ALS2: variants seen among roughly 807,000 people sequenced by gnomAD.
ALS2 encodes alsin Rho guanine nucleotide exchange factor ALS2, also known as alsin.
Under a neutral mutation model 203.4 loss-of-function variants are expected in ALS2, and 117 were observed. The ratio of observed to expected loss-of-function variants is 0.58; its 90% CI spans 0.50 to 0.67. ALS2 has a LOEUF of 0.67. Ranked by LOEUF, ALS2 falls within the 30% of genes least tolerant of loss-of-function variation. ALS2 has a pLI of 0.00. For missense variants in ALS2, 1,715 were observed against 1,989.4 expected, an observed-to-expected ratio of 0.86 and a Z score of 2.62; for synonymous variants, 718 against 725.9, an observed-to-expected ratio of 0.99 and a Z score of 0.17.
At chr2:201,729,743 T>C (rs1248135650) in intron 13 of ALS2, among the ~76,000 whole-genome samples, 2 of 151,632 alleles carry the variant, frequency 1.3e-5, no homozygotes, top group Non-Finnish European at 2.9e-5. Context: ...TAGCCGGGTG[T>C]GGTGGCGGGC....
intron 6 of ALS2, among the ~76,000 whole-genome samples, chr2:201,753,732 A>T (rs1292118568): frequency 6.6e-6 from 1 of 152,248 alleles, no homozygotes; most frequent in East Asian, 1.9e-4. Flanking sequence ...ATATGTGAAT[A>T]GACATAGTCT....
In ALS2 at chr2:201,759,639, C is replaced by T. The variant is rs147058687; in HGVS notation, c.1113+1242G>A. 3.7e-4 allele frequency: 363 copies of T among 985,030 alleles called. 1 individual carries two copies. In the African/African-American group the frequency reaches 5.8e-3, roughly 16 times the overall value. 61.0% of individuals were successfully genotyped at this position (985,030 alleles called of 1,614,324 possible). A position where few individuals can be genotyped will look rare whatever the true frequency, so the allele number is the denominator to read the frequency against. ...TGTTCAGACTTTATAATACCTTTCT[C>T]CAAACAGCTTATCCTTGATTTTTTT... On this transcript the variant is annotated intron_variant, in intron 4 of 33. Coordinates refer to ENST00000264276, the MANE Select transcript of ALS2 (RefSeq NM_020919.4).
In ALS2 at chr2:201,724,268, T is replaced by C. The variant is rs566795639; in HGVS notation, c.3512+27A>G. The C allele has an allele frequency of 1.8e-5, 29 of 1,604,624 alleles. No homozygotes were observed. The East Asian group carries it at 6.0e-4, about 33-fold the overall frequency. ...ATGGTGCTTAATCATTGGCTTAAAC[T>C]GTGGGAATAGAAGGAGAATACTGTA... On this transcript the variant is annotated intron_variant, in intron 21 of 33. Coordinates refer to ENST00000264276, the MANE Select transcript of ALS2 (RefSeq NM_020919.4).
At chr2:201,764,620 C>T (rs1193900733) in intron 3 of ALS2, among the ~76,000 whole-genome samples, 3 of 149,208 alleles carry the variant, frequency 2.0e-5, no homozygotes, top group South Asian at 2.1e-4. Flanking sequence ...GGCAACAGAG[C>T]GAGACTCCGT....
intron 1 of ALS2, among the ~76,000 whole-genome samples, chr2:201,774,475 A>G (rs193607): frequency 0.72 from 109,250 of 152,060 alleles, 40,820 homozygotes; most frequent in Non-Finnish European, 0.84. Flanking sequence ...ATTTTATCCC[A>G]CCCTGCTATA....
At position 201,727,688 on chromosome 2, in the gene ALS2, A is replaced by AG. The variant is rs1215356971; in HGVS notation, c.2912+16dup. The stretch of plus-strand genomic sequence containing the variant: ...CAGACTTGGACGGGGTGGGGTGGGG[A>AG]GGGGGGACGCACTTACACACCACCA... On this transcript the variant is annotated intron_variant, in intron 16 of 33. Coordinates refer to ENST00000264276, the MANE Select transcript of ALS2 (RefSeq NM_020919.4). 1 of 1,090,052 alleles carries AG rather than the reference A, an allele frequency of 9.2e-7. No homozygotes were observed. The highest frequency in any genetic ancestry group is 1.3e-5 in the South Asian group (1 of 76,060). 67.5% of individuals were successfully genotyped at this position (1,090,052 alleles called of 1,614,324 possible). A position where few individuals can be genotyped will look rare whatever the true frequency, so the allele number is the denominator to read the frequency against.
chr2:201,746,462 T>G, intron 9 of ALS2, 104 bp downstream of exon 9: 1 of 1,346,076 alleles, frequency 7.4e-7, no homozygotes. Flanking sequence ...ATAAGGTAGT[T>G]AGAGATGCTT....
At chr2:201,776,587 TGTCCTGGTAA>T (rs537445277) in intron 1 of ALS2, among the ~76,000 whole-genome samples, 48 of 152,330 alleles carry the variant, frequency 3.2e-4, no homozygotes, top group African/African-American at 1.1e-3. Context: ...GTACAGTGAA[TGTCCTGGTAA>T]GTCCTGACAC....
In ALS2 at chr2:201,723,096, C is replaced by A. The variant is rs1457366857; in HGVS notation, c.3649G>T (p.Asp1217Tyr). ...AATTCTCCTTCATAGATAGTATCAT[C>A]TTCGGAAAGCAAAACCCCATTTCCC... is the stretch of plus-strand genomic sequence containing the variant. Reference protein sequence around the residue: ...MMGNGVLLSEDDTIYEGEFSD... With the variant: ...MMGNGVLLSEYDTIYEGEFSD... Residue 1217 changes from aspartate to tyrosine, a missense_variant, in exon 23 of 34, where the codon GAT becomes TAT. By Grantham distance (160) the Asp-to-Tyr change is radical. This residue lies in a region of ALS2 where 1,227 missense variants were observed against 1,413.5 expected (regional missense o/e 0.87). Coordinates refer to ENST00000264276, the MANE Select transcript of ALS2 (RefSeq NM_020919.4). 1 of 1,613,472 alleles carries A rather than the reference C, an allele frequency of 6.2e-7. No individual in the cohort carries two copies. The highest frequency in any genetic ancestry group is 2.2e-5 in the East Asian group (1 of 44,864).
intron 7 of ALS2, among the ~76,000 whole-genome samples, chr2:201,752,013 A>C (rs146453370): frequency 2.6e-4 from 39 of 152,210 alleles, no homozygotes; most frequent in African/African-American, 6.5e-4. Flanking sequence ...TTAATTTTAT[A>C]ATATATAAGG....
chr2:201,736,420 AAAAAC>A (rs1177637167), intron 12 of ALS2, among the ~76,000 whole-genome samples: 6 of 152,204 alleles, frequency 3.9e-5, no homozygotes, highest in Non-Finnish European at 8.8e-5. Context: ...GAATGACTAT[AAAAAC>A]AAAACGTACT....
At chr2:201,741,572 T>G in intron 11 of ALS2, 102 bp downstream of exon 11, 1 of 1,227,888 alleles carries the variant, frequency 8.1e-7, no homozygotes, top group Non-Finnish European at 1.2e-6. Flanking sequence ...TTCTATTACC[T>G]TATATCACTC....
intron 13 of ALS2, among the ~76,000 whole-genome samples, chr2:201,732,399 C>CAAAAAAAAAAAA (rs11288102): frequency 1.2e-5 from 1 of 85,152 alleles, no homozygotes; most frequent in African/African-American, 4.2e-5. Context: ...ACTAAAAATA[C>CAAAAAAAAAAAA]AAAAAAAAAA....
At chr2:201,722,780 T>C (rs1357934204) in intron 23 of ALS2, 9 of 463,148 alleles carry the variant, frequency 1.9e-5, no homozygotes, top group African/African-American at 1.8e-4. Context: ...ATCTATAGAG[T>C]GATTAAGGGT....
At chr2:201,754,473 C>A in intron 6 of ALS2, 30 bp downstream of exon 6, 1 of 1,613,906 alleles carries the variant, frequency 6.2e-7, no homozygotes, top group Non-Finnish European at 8.5e-7. Flanking sequence ...TTTAAGCCAA[C>A]TTCTATCGGT....
chr2:201,701,680 C>T lies in ALS2; in HGVS notation c.*171G>A. The T allele has an allele frequency of 3.0e-6, 2 of 659,514 alleles. No homozygotes were observed. The highest frequency in any genetic ancestry group is 5.4e-6 in the Non-Finnish European group (2 of 372,818). The allele number at this position is 659,514 out of a possible 1,614,324, so 40.9% of individuals were successfully genotyped here. A position where few individuals can be genotyped will look rare whatever the true frequency, so the allele number is the denominator to read the frequency against. Reference sequence around the variant, plus strand: ...AATCCTCCCTTTAAACTATACAGTCCTTTTTTCTGGGCTCAGGGCTCTTAT... The same window carrying T: ...AATCCTCCCTTTAAACTATACAGTCTTTTTTTCTGGGCTCAGGGCTCTTAT... On this transcript the variant is annotated 3_prime_UTR_variant, in exon 34 of 34. Transcript: ENST00000264276.
At chr2:201,703,104 A>C (rs1210802082) in intron 33 of ALS2, among the ~76,000 whole-genome samples, 1 of 152,178 alleles carries the variant, frequency 6.6e-6, no homozygotes, top group Non-Finnish European at 1.5e-5. Context: ...CGACAGAGTG[A>C]GACTCTGTCT....
At chr2:201,709,386 CTGTT>C (rs1198894845) in intron 27 of ALS2, among the ~76,000 whole-genome samples, 4 of 152,294 alleles carry the variant, frequency 2.6e-5, no homozygotes, top group Admixed American at 6.5e-5. Context: ...ACAGCAAAGA[CTGTT>C]TGTCTTTGTT....
chr2:201,730,836 CT>C (rs763854038), intron 13 of ALS2, among the ~76,000 whole-genome samples: 1 of 152,246 alleles, frequency 6.6e-6, no homozygotes, highest in East Asian at 1.9e-4. Context: ...AACGCAGTGA[CT>C]ACTAGTATAG....
Sources: allele counts gnomAD v4.1 joint callset (sites outside exome capture counted in the v4.1 genomes callset), GRCh38; gene constraint gnomAD v4.1.1; regional missense constraint gnomAD v4.1.1; transcripts MANE v1.5; gene names NCBI Gene and HGNC (gene_info 2026-07-23, HGNC 2026-07-21).